IGF1R: variants seen among roughly 807,000 people sequenced by gnomAD.
IGF1R encodes the protein insulin-like growth factor 1 receptor.
In IGF1R, 44 loss-of-function variants were observed where a neutral mutation model predicts 144.6. That is an observed-to-expected ratio of 0.30 (90% CI 0.24 to 0.39). The LOEUF (loss-of-function observed/expected upper bound fraction) is 0.39. IGF1R is among the 10% of genes least tolerant of loss of function. The pLI is 1.00. For synonymous variants in IGF1R, 795 were observed against 722.8 expected, an observed-to-expected ratio of 1.10 and a Z score of -1.60; for missense variants, 1,355 against 1,833.7, an observed-to-expected ratio of 0.74 and a Z score of 4.77.
At chr15:98,727,836 G>T (rs541013790) in intron 2 of IGF1R, among the ~76,000 whole-genome samples, 11 of 152,092 alleles carry the variant, frequency 7.2e-5, no homozygotes, top group Admixed American at 6.6e-4. Context: ...GCCCTGGTGC[G>T]CTGTCACCCC....
intron 15 of IGF1R, among the ~76,000 whole-genome samples, chr15:98,934,020 GT>G (rs1320377966): frequency 1.3e-5 from 2 of 151,926 alleles, no homozygotes; most frequent in Non-Finnish European, 2.9e-5. Context: ...CATTTTAATA[GT>G]TTTTTAGTTC....
chr15:98,810,301 T>A (rs1467100945), intron 2 of IGF1R, among the ~76,000 whole-genome samples: 1 of 152,190 alleles, frequency 6.6e-6, no homozygotes, highest in African/African-American at 2.4e-5. Context: ...TTTGTCCAGT[T>A]ACTGTGTCTA....
rs1448143895 is a variant in IGF1R, at chr15:98,929,652, TAGAA to T, written c.2881_2884del (p.Lys961GlufsTer15). The T allele has an allele frequency of 6.2e-7, 1 of 1,609,376 alleles. No homozygotes were observed. Among genetic ancestry groups the T allele is most frequent in the Non-Finnish European group, 8.5e-7 (1 of 1,175,634 alleles). ...TGGTGATTATGCTGTACGTCTTCCA[TAGAA>T]AGAGGTCAGTGATGTGCAAAGTTAT... On this transcript the variant is annotated frameshift_variant, in exon 14 of 21. Transcript: ENST00000650285. LOFTEE classifies it high-confidence loss of function.
rs191656654 is a variant in IGF1R at position 98,720,631 on chromosome 15, C to T, written c.640+12524C>T. 9.3e-4 allele frequency among the ~76,000 whole-genome samples: 141 copies of T among 152,256 alleles called. 1 individual carries two copies. Among genetic ancestry groups the T allele is most frequent in the African/African-American group, 3.3e-3 (138 of 41,550 alleles). ...GTAGGACAGGAGGCTGGCAAAGCAC[C>T]TCAGTGATAGGGCAGAAGGAAATAA... On this transcript the variant is annotated intron_variant, in intron 2 of 20. Coordinates refer to ENST00000650285, the MANE Select transcript of IGF1R (RefSeq NM_000875.5).
chr15:98,954,957 G>A (rs2016922268), intron 20 of IGF1R, among the ~76,000 whole-genome samples: 4 of 152,126 alleles, frequency 2.6e-5, no homozygotes, highest in Admixed American at 2.6e-4. Flanking sequence ...CTCTTATTTA[G>A]GTTGAGAAAA....
intron 20 of IGF1R, among the ~76,000 whole-genome samples, chr15:98,954,581 A>AAC (rs1225664009): frequency 1.3e-5 from 2 of 152,156 alleles, no homozygotes; most frequent in Non-Finnish European, 2.9e-5. Flanking sequence ...ATGGTTTAAA[A>AAC]GAGGCGTCAC....
intron 1 of IGF1R, among the ~76,000 whole-genome samples, chr15:98,698,963 G>T (rs536269742): frequency 1.9e-4 from 29 of 152,342 alleles, no homozygotes; most frequent in African/African-American, 7.0e-4. Context: ...TTGAAATGAG[G>T]ATGTGAACTG....
chr15:98,878,693 A>AAAAAAAAC (rs1567174382), intron 2 of IGF1R, among the ~76,000 whole-genome samples: 37 of 126,130 alleles, frequency 2.9e-4, no homozygotes, highest in African/African-American at 1.3e-3. Context: ...AAAAAAAAAA[A>AAAAAAAAC]AACAACAACA....
chr15:98,911,240 G>A lies in IGF1R; in HGVS notation c.1463-75G>A, dbSNP rs35862646. 7.7e-4 allele frequency: 1,211 copies of A among 1,567,410 alleles called. 9 individuals are homozygous for A. The African/African-American group carries it at 0.014, about 18-fold the overall frequency. Reference sequence around the variant, plus strand: ...ACAGCCAGCTTTGGGGAAGGGGGAAGCAGTGCCAAGCAAGACAGGTGCTTT... The same window carrying A: ...ACAGCCAGCTTTGGGGAAGGGGGAAACAGTGCCAAGCAAGACAGGTGCTTT... On this transcript the variant is annotated intron_variant, in intron 6 of 20. Coordinates refer to ENST00000650285, the MANE Select transcript of IGF1R (RefSeq NM_000875.5).
At chr15:98,910,201 C>G (rs573188029) in intron 6 of IGF1R, among the ~76,000 whole-genome samples, 2 of 152,264 alleles carry the variant, frequency 1.3e-5, no homozygotes, top group East Asian at 3.9e-4. Flanking sequence ...GCCTCCCGCC[C>G]CCTGCTCACT....
intron 2 of IGF1R, among the ~76,000 whole-genome samples, chr15:98,802,557 C>T (rs1420470917): frequency 6.6e-6 from 1 of 152,180 alleles, no homozygotes; most frequent in African/African-American, 2.4e-5. Flanking sequence ...AAAGTGTGTA[C>T]AGGATTTGAA....
intron 2 of IGF1R, among the ~76,000 whole-genome samples, chr15:98,812,442 C>T (rs1174077804): frequency 1.3e-5 from 2 of 151,920 alleles, no homozygotes; most frequent in East Asian, 3.9e-4. Flanking sequence ...CTGCAATCTC[C>T]GCCTCCTGGT....
At chr15:98,746,423 A>G (rs2054867670) in intron 2 of IGF1R, among the ~76,000 whole-genome samples, 2 of 152,156 alleles carry the variant, frequency 1.3e-5, no homozygotes, top group Non-Finnish European at 2.9e-5. Context: ...CTTGCCGGAA[A>G]ACCAAACAAA....
rs1382155669 is a variant in IGF1R at position 98,949,435 on chromosome 15, T to C, written c.3722+727T>C. Among the ~76,000 whole-genome samples the C allele has an allele frequency of 4.0e-5, 6 of 149,572 alleles. No individual in the cohort carries two copies. In the South Asian group the frequency reaches 8.5e-4, roughly 21 times the overall value. On this transcript the variant is annotated intron_variant, in intron 20 of 20. Coordinates refer to ENST00000650285, the MANE Select transcript of IGF1R (RefSeq NM_000875.5). Reference sequence around the variant, plus strand: ...GCTCTGTCGCCCAGGCTGGAGTGCATTGGCGTGATCTTGGCTCACTGCAAC... The same window carrying C: ...GCTCTGTCGCCCAGGCTGGAGTGCACTGGCGTGATCTTGGCTCACTGCAAC...
At chr15:98,955,444 A>G (rs1448237622) in intron 20 of IGF1R, among the ~76,000 whole-genome samples, 1 of 152,256 alleles carries the variant, frequency 6.6e-6, no homozygotes, top group Non-Finnish European at 1.5e-5. Context: ...TAATGTCCTC[A>G]GCTGGTAGTT....
Position 98,863,277 on chromosome 15 carries a change from A to C in IGF1R, c.641-28048A>C, listed in dbSNP as rs114098584. ...TGCGCATCCTGTCAGGAGATGCGTG[A>C]TGTTTCCTTTCCTGGTGCTGTTAGC... On this transcript the variant is annotated intron_variant, in intron 2 of 20. Transcript: ENST00000650285. 5.9e-3 allele frequency among the ~76,000 whole-genome samples: 899 copies of C among 152,086 alleles called. 10 individuals carry two copies. Among genetic ancestry groups the C allele is most frequent in the African/African-American group, 0.02 (842 of 41,474 alleles).
chr15:98,725,553 G>C (rs28469481), intron 2 of IGF1R, among the ~76,000 whole-genome samples: 17,514 of 152,138 alleles, frequency 0.12, 1,921 homozygotes, highest in African/African-American at 0.29. Context: ...ATGCATGCCG[G>C]TCTTTGGGAC....
Position 98,665,044 on chromosome 15 carries a change from A to G in IGF1R, c.94+15369A>G, listed in dbSNP as rs796204229. Reference sequence around the variant, plus strand: ...GCAATCTTGGCTCACTGCAAGCTCCACCTCCCGGGTTCACGCCATTCTCCT... The same window carrying G: ...GCAATCTTGGCTCACTGCAAGCTCCGCCTCCCGGGTTCACGCCATTCTCCT... On this transcript the variant is annotated intron_variant, in intron 1 of 20. Coordinates refer to ENST00000650285, the MANE Select transcript of IGF1R (RefSeq NM_000875.5). Among the ~76,000 whole-genome samples the G allele has an allele frequency of 4.2e-5, 6 of 143,268 alleles. No homozygotes were observed. In the South Asian group the frequency reaches 6.7e-4, roughly 16 times the overall value. 94.0% of individuals were successfully genotyped at this position (143,268 alleles called of 152,430 possible).
In IGF1R at chr15:98,772,741, CT is replaced by C. The variant is rs200203381; in HGVS notation, c.640+64645del. Among the ~76,000 whole-genome samples, 321 of 145,776 alleles carry C rather than the reference CT, an allele frequency of 2.2e-3. 5 individuals carry two copies. The highest frequency in any genetic ancestry group is 6.7e-3 in the African/African-American group (266 of 39,920). On this transcript the variant is annotated intron_variant, in intron 2 of 20. Transcript: ENST00000650285. Reference sequence around the variant, plus strand: ...GCCACTGTGCCCAGCCAAAAGGTCACTTTTTTTTTTTCCTTGTTGGGGAGGA... The same window carrying C: ...GCCACTGTGCCCAGCCAAAAGGTCACTTTTTTTTTTCCTTGTTGGGGAGGA...
Sources: gnomAD v4.1 joint callset for allele counts (sites outside exome capture counted in the v4.1 genomes callset) on GRCh38, gnomAD v4.1.1 for gene constraint, MANE v1.5 for transcripts, NCBI Gene and HGNC (gene_info 2026-07-23, HGNC 2026-07-21) for gene names.